The following UNC79 variants were observed in gnomAD, a reference collection of about 807,000 sequenced individuals.
The protein encoded by UNC79 is protein unc-79 homolog.
In UNC79, 37 loss-of-function variants were observed where a neutral mutation model predicts 283.1. The observed-to-expected ratio is 0.13, with a 90% CI of 0.10 to 0.17. UNC79 has a LOEUF of 0.17. UNC79 is among the 10% of genes least tolerant of loss of function. UNC79 has a pLI of 1.00. For missense variants in UNC79, 2,272 were observed against 3,211.1 expected, an observed-to-expected ratio of 0.71 and a Z score of 7.07; for synonymous variants, 1,107 against 1,200.2, an observed-to-expected ratio of 0.92 and a Z score of 1.61.
At chr14:93,622,948 C>G (rs1167935985) in intron 30 of UNC79, 107 bp downstream of exon 32, 1 of 1,395,360 alleles carries the variant, frequency 7.2e-7, no homozygotes, top group Non-Finnish European at 9.6e-7. Context: ...CTTATAATGT[C>G]AGGGTGTGAC....
At chr14:93,705,383 A>C (rs1024472753) in intron 48 of UNC79, among the ~76,000 whole-genome samples, 8 of 150,108 alleles carry the variant, frequency 5.3e-5, no homozygotes, top group African/African-American at 2.0e-4. Flanking sequence ...GAGGAGTAGC[A>C]TACCGACCCC....
chr14:93,419,170 CTTT>C (rs1230763519), intron 1 of UNC79, among the ~76,000 whole-genome samples: 5 of 140,808 alleles, frequency 3.6e-5, no homozygotes, highest in Admixed American at 3.5e-4. Context: ...GGCTCCACAC[CTTT>C]TTTTTTTTTT....
At chr14:93,612,978 G>A in exon 27 of UNC79, 1 of 1,614,150 alleles carries the variant, frequency 6.2e-7, no homozygotes. Context: ...AGCGACACCT[G>A]TACGTCTTAC....
chr14:93,381,522 C>T (rs1282743606), intron 1 of UNC79, among the ~76,000 whole-genome samples: 2 of 152,140 alleles, frequency 1.3e-5, no homozygotes, highest in African/African-American at 4.8e-5. Flanking sequence ...AGCAACATTC[C>T]CACCAATAGT....
chr14:93,656,317 G>A (rs1440737412), intron 38 of UNC79, among the ~76,000 whole-genome samples: 2 of 152,160 alleles, frequency 1.3e-5, no homozygotes, highest in South Asian at 2.1e-4. Flanking sequence ...GCAACAAAAT[G>A]AATCAGGCAG....
At chr14:93,556,714 CA>C (rs1195529474) in intron 14 of UNC79, among the ~76,000 whole-genome samples, 1 of 149,386 alleles carries the variant, frequency 6.7e-6, no homozygotes, top group Admixed American at 6.6e-5. Flanking sequence ...ACCTTTTTTT[CA>C]AAAAAACAAG....
chr14:93,705,937 G>A (rs1268654799), intron 48 of UNC79, among the ~76,000 whole-genome samples: 4 of 152,152 alleles, frequency 2.6e-5, no homozygotes, highest in African/African-American at 9.7e-5. Flanking sequence ...TCCTGATTAC[G>A]GCCTTGGTGC....
intron 1 of UNC79, among the ~76,000 whole-genome samples, chr14:93,456,019 A>G (rs548414473): frequency 1.3e-5 from 2 of 152,054 alleles, no homozygotes; most frequent in South Asian, 4.1e-4. Flanking sequence ...GGAGCTGCAG[A>G]GAATTACAGA....
chr14:93,395,821 G>A (rs948517610), intron 1 of UNC79, among the ~76,000 whole-genome samples: 4 of 151,620 alleles, frequency 2.6e-5, no homozygotes, highest in Middle Eastern at 6.3e-3. Flanking sequence ...TTTTTTTTGG[G>A]CTTTCAACCT....
intron 40 of UNC79, among the ~76,000 whole-genome samples, chr14:93,668,801 A>G (rs2140552089): frequency 6.7e-6 from 1 of 149,652 alleles, no homozygotes; most frequent in South Asian, 2.1e-4. Flanking sequence ...CCGTGACTGT[A>G]CCACTGCACT....
chr14:93,704,778 T>C, intron 48 of UNC79, 112 bp downstream of exon 51: 1 of 1,376,902 alleles, frequency 7.3e-7, no homozygotes, highest in Non-Finnish European at 1.0e-6. Context: ...TTCAACCTGC[T>C]CCTGGCCTTA....
chr14:93,455,687 A>G (rs2056776173), intron 1 of UNC79, among the ~76,000 whole-genome samples: 1 of 152,206 alleles, frequency 6.6e-6, no homozygotes, highest in African/African-American at 2.4e-5. Flanking sequence ...TGTGCTAGTC[A>G]TTGTGCTAGG....
At chr14:93,389,565 T>C (rs1434142504) in intron 1 of UNC79, among the ~76,000 whole-genome samples, 1 of 152,010 alleles carries the variant, frequency 6.6e-6, no homozygotes. Flanking sequence ...GTGTTAGAAC[T>C]TGTGGGGAAG....
chr14:93,370,265 A>T (rs1263382946), intron 1 of UNC79, among the ~76,000 whole-genome samples: 1 of 152,262 alleles, frequency 6.6e-6, no homozygotes, highest in Non-Finnish European at 1.5e-5. Context: ...CCAGGAATTT[A>T]AAACGACTAT....
intron 1 of UNC79, among the ~76,000 whole-genome samples, chr14:93,343,430 C>T (rs747826979): frequency 1.3e-5 from 2 of 152,200 alleles, no homozygotes; most frequent in Non-Finnish European, 2.9e-5. Context: ...TGCAACTCTT[C>T]TGCTTTTGTT....
Position 93,653,930 on chromosome 14 carries a change from G to T in UNC79, c.6197-10G>T. The T allele has an allele frequency of 6.2e-7, 1 of 1,614,120 alleles. No individual in the cohort carries two copies. Among genetic ancestry groups the T allele is most frequent in the South Asian group, 1.1e-5 (1 of 91,080 alleles). ...CACCCAAACACTAAATCCGATCGTT[G>T]ACTTTCCAGATGGGACTTTTTTACG... On this transcript the variant is annotated splice_polypyrimidine_tract_variant and intron_variant, in intron 36 of 48. Coordinates refer to ENST00000555664, the Ensembl canonical transcript of UNC79.
intron 1 of UNC79, chr14:93,334,484 T>A (rs984416168): frequency 1.3e-5 from 2 of 152,156 alleles, no homozygotes; most frequent in Admixed American, 6.5e-5. Flanking sequence ...TGAGAAAATA[T>A]AAAAGAAATA....
At chr14:93,582,255 T>C in exon 20 of UNC79, 1 of 1,614,054 alleles carries the variant, frequency 6.2e-7, no homozygotes. Flanking sequence ...CCAGAGTTTA[T>C]CATAGGCCCT....
At chr14:93,509,577 A>G (rs751926919) in intron 7 of UNC79, among the ~76,000 whole-genome samples, 23 of 152,202 alleles carry the variant, frequency 1.5e-4, no homozygotes, top group Non-Finnish European at 2.1e-4. Flanking sequence ...TACATGGCCC[A>G]TGAAGTCCGA....
Sources: gnomAD v4.1 joint callset for allele counts (sites outside exome capture counted in the v4.1 genomes callset) on GRCh38, gnomAD v4.1.1 for gene constraint, MANE v1.5 for transcripts, NCBI Gene and HGNC (gene_info 2026-07-23, HGNC 2026-07-21) for gene names.